The following SETBP1 variants were observed in gnomAD, a reference collection of about 807,000 sequenced individuals.
SETBP1 encodes SET-binding protein.
Under a neutral mutation model 101.0 loss-of-function variants are expected in SETBP1, and 9 were observed. That is an observed-to-expected ratio of 0.09 (90% CI 0.05 to 0.16). The LOEUF is 0.16. SETBP1 is among the 10% of genes least tolerant of loss of function. SETBP1 has a pLI of 1.00. For missense variants in SETBP1, 1,858 were observed against 2,033.8 expected (o/e 0.91, Z 1.66); for synonymous variants, 818 against 788.5 (o/e 1.04, Z -0.63).
At chr18:45,006,463 T>C (rs1599438928) in intron 4 of SETBP1, among the ~76,000 whole-genome samples, 1 of 152,162 alleles carries the variant, frequency 6.6e-6, no homozygotes, top group East Asian at 1.9e-4. Flanking sequence ...AGGCTGGAAG[T>C]CCAAGATCAA....
At chr18:45,007,757 T>A (rs1239754842) in intron 4 of SETBP1, among the ~76,000 whole-genome samples, 4 of 152,224 alleles carry the variant, frequency 2.6e-5, no homozygotes, top group Non-Finnish European at 5.9e-5. Context: ...ATTCTGTCTC[T>A]TTGTGAAGGC....
intron 2 of SETBP1, among the ~76,000 whole-genome samples, chr18:44,832,174 G>A (rs948473892): frequency 5.3e-5 from 8 of 152,164 alleles, no homozygotes; most frequent in Admixed American, 1.3e-4. Context: ...GGTGACGCTA[G>A]ACATCATTTA....
chr18:44,881,752 G>C (rs2069534527), intron 3 of SETBP1, among the ~76,000 whole-genome samples: 1 of 152,162 alleles, frequency 6.6e-6, no homozygotes, highest in Non-Finnish European at 1.5e-5. Flanking sequence ...ATGGAGGCAG[G>C]GGCAGGCTGG....
intron 2 of SETBP1, among the ~76,000 whole-genome samples, chr18:44,833,479 A>G (rs1390269284): frequency 6.6e-6 from 1 of 152,168 alleles, no homozygotes; most frequent in African/African-American, 2.4e-5. Flanking sequence ...AGGCATGGGT[A>G]CCAAAGCCCA....
chr18:44,848,212 G>A (rs1347597494), intron 2 of SETBP1, among the ~76,000 whole-genome samples: 1 of 152,144 alleles, frequency 6.6e-6, no homozygotes, highest in Non-Finnish European at 1.5e-5. Flanking sequence ...CAGTAAGCTA[G>A]CGATGCAGGG....
intron 2 of SETBP1, among the ~76,000 whole-genome samples, chr18:44,794,732 AC>A (rs945822056): frequency 2.6e-5 from 4 of 152,102 alleles, no homozygotes; most frequent in Non-Finnish European, 5.9e-5. Context: ...GATTTGCTGG[AC>A]CTCCTACCTT....
At chr18:44,736,747 T>A (rs1175857082) in intron 2 of SETBP1, among the ~76,000 whole-genome samples, 1 of 152,226 alleles carries the variant, frequency 6.6e-6, no homozygotes, top group Non-Finnish European at 1.5e-5. Context: ...TAACCCACAG[T>A]GCACTTAGAA....
intron 2 of SETBP1, among the ~76,000 whole-genome samples, chr18:44,787,450 C>T (rs2071261687): frequency 6.6e-6 from 1 of 152,048 alleles, no homozygotes; most frequent in South Asian, 2.1e-4. Context: ...GGAGCAGGCG[C>T]TCTTCATTTT....
At chr18:44,981,063 T>A (rs1310083391) in intron 4 of SETBP1, among the ~76,000 whole-genome samples, 1 of 152,206 alleles carries the variant, frequency 6.6e-6, no homozygotes, top group Non-Finnish European at 1.5e-5. Context: ...TCAGGCCTTA[T>A]CTCAGACCTA....
chr18:45,032,605 GT>G, intron 4 of SETBP1, among the ~76,000 whole-genome samples: 1 of 152,158 alleles, frequency 6.6e-6, no homozygotes, highest in Non-Finnish European at 1.5e-5. Context: ...GATTACGCAG[GT>G]TGTTTGTTGT....
rs117731350 is a variant in SETBP1 at position 44,696,205 on chromosome 18, C to G, written c.-172-4970C>G. ...GGTGTTAGGATTTTGTGGATGAATA[C>G]GACACAAGTCCTGCCTGTTCCCAAG... On this transcript the variant is annotated intron_variant, in intron 1 of 5. Transcript: ENST00000649279. Among the ~76,000 whole-genome samples, 239 of 152,278 alleles carry G rather than the reference C, an allele frequency of 1.6e-3. 2 individuals carry two copies. Among genetic ancestry groups the G allele is most frequent in the Middle Eastern group, 0.01 (3 of 294 alleles).
chr18:44,806,332 C>A (rs958696105), intron 2 of SETBP1, among the ~76,000 whole-genome samples: 2 of 152,144 alleles, frequency 1.3e-5, no homozygotes, highest in Non-Finnish European at 2.9e-5. Context: ...CAGGAGTGGT[C>A]ACAAGACCTT....
chr18:44,733,153 G>GGGCAT (rs1480353965), intron 2 of SETBP1: 1 of 152,128 alleles, frequency 6.6e-6, no homozygotes, highest in African/African-American at 2.4e-5. Context: ...AACCAGAGAG[G>GGGCAT]GGCATGTGGT....
At chr18:44,899,026 G>C (rs143753060) in intron 3 of SETBP1, among the ~76,000 whole-genome samples, 5 of 152,248 alleles carry the variant, frequency 3.3e-5, no homozygotes, top group African/African-American at 1.2e-4. Context: ...GTCTCATATC[G>C]GGAGATACTG....
chr18:44,706,336 AG>A (rs2069217087), intron 2 of SETBP1, among the ~76,000 whole-genome samples: 1 of 152,014 alleles, frequency 6.6e-6, no homozygotes, highest in South Asian at 2.1e-4. Context: ...CTGTAATCTC[AG>A]CACTTTGGGA....
intron 2 of SETBP1, among the ~76,000 whole-genome samples, chr18:44,861,078 T>C (rs2068995346): frequency 6.6e-6 from 1 of 152,132 alleles, no homozygotes; most frequent in Non-Finnish European, 1.5e-5. Context: ...GTAAAAGTTA[T>C]GTTATTCTGA....
At chr18:44,888,853 C>T (rs1335698521) in intron 3 of SETBP1, among the ~76,000 whole-genome samples, 2 of 152,156 alleles carry the variant, frequency 1.3e-5, no homozygotes, top group African/African-American at 4.8e-5. Context: ...AGTTTTAATA[C>T]CTTCTTGAGG....
chr18:44,827,784 A>G (rs901002053), intron 2 of SETBP1, among the ~76,000 whole-genome samples: 12 of 152,196 alleles, frequency 7.9e-5, no homozygotes, highest in African/African-American at 2.4e-4. Context: ...CAGGTTTAGT[A>G]TTGTACACTC....
At position 44,959,892 on chromosome 18, in the gene SETBP1, G is replaced by T. The variant is rs117835398; in HGVS notation, c.4000+6552G>T. 2.6e-4 allele frequency among the ~76,000 whole-genome samples: 40 copies of T among 152,270 alleles called. No individual in the cohort carries two copies. In the East Asian group the frequency reaches 7.7e-3, roughly 29 times the overall value. On this transcript the variant is annotated intron_variant, in intron 4 of 5. Coordinates refer to ENST00000649279, the MANE Select transcript of SETBP1 (RefSeq NM_015559.3). ...AAGTGGAAACACCCAAGAAATATTT[G>T]GGAAAGCATGCATAGTGCAGTTTTT...
Sources: allele counts gnomAD v4.1 joint callset (sites outside exome capture counted in the v4.1 genomes callset), GRCh38; gene constraint gnomAD v4.1.1; transcripts MANE v1.5; gene names NCBI Gene and HGNC (gene_info 2026-07-23, HGNC 2026-07-21).